Variants in NAALADL2 observed in about 807,000 individuals in gnomAD.
NAALADL2 encodes the protein N-acetylated alpha-linked acidic dipeptidase like 2.
Under a neutral mutation model 87.2 loss-of-function variants are expected in NAALADL2, and 76 were observed. The observed-to-expected ratio is 0.87, with a 90% CI of 0.72 to 1.05. The LOEUF (loss-of-function observed/expected upper bound fraction) is 1.05, where lower values mean the gene tolerates loss of function less well. NAALADL2 is among the 50% of genes least tolerant of loss of function. NAALADL2 has a pLI of 0.00. For missense variants in NAALADL2, 1,089 were observed against 945.8 expected (o/e 1.15, Z -1.99); for synonymous variants, 354 against 331.0 (o/e 1.07, Z -0.75).
rs368185725 is a variant in NAALADL2, at chr3:175,470,533, A to G, written c.1534-1106A>G. ...AAAATAAAATAGGATGACATTATCT[A>G]TTTGGCAGGTGTATGAGTCCTTGTA... On this transcript the variant is annotated intron_variant, in intron 8 of 13. Transcript: ENST00000454872. Among the ~76,000 whole-genome samples the G allele has an allele frequency of 3.3e-5, 5 of 152,178 alleles. No homozygotes were observed. In the East Asian group the frequency reaches 5.8e-4, roughly 18 times the overall value.
At chr3:175,261,179 C>T (rs925067126) in intron 4 of NAALADL2, among the ~76,000 whole-genome samples, 16 of 152,040 alleles carry the variant, frequency 1.1e-4, no homozygotes, top group African/African-American at 2.4e-4. Context: ...AACATTAATT[C>T]GTCACAATGT....
chr3:175,651,919 T>C (rs1472318707), intron 11 of NAALADL2, among the ~76,000 whole-genome samples: 1 of 152,210 alleles, frequency 6.6e-6, no homozygotes, highest in Non-Finnish European at 1.5e-5. Flanking sequence ...AAAAGCTTGC[T>C]CTTGAGAAGC....
chr3:175,799,612 C>A (rs1406329160), intron 13 of NAALADL2, among the ~76,000 whole-genome samples: 1 of 152,046 alleles, frequency 6.6e-6, no homozygotes, highest in Non-Finnish European at 1.5e-5. Context: ...AGTTTCATCT[C>A]CATTTTGAAC....
chr3:175,466,194 C>A (rs1334440106), intron 7 of NAALADL2, among the ~76,000 whole-genome samples: 1 of 152,072 alleles, frequency 6.6e-6, no homozygotes, highest in Non-Finnish European at 1.5e-5. Flanking sequence ...AAAATTTTTG[C>A]ACAGATGTAT....
intron 3 of NAALADL2, among the ~76,000 whole-genome samples, chr3:174,765,278 C>G (rs1271533895): frequency 6.6e-6 from 1 of 151,950 alleles, no homozygotes; most frequent in Non-Finnish European, 1.5e-5. Flanking sequence ...TAAATAGTTG[C>G]AATGAGGAAT....
At chr3:175,412,840 G>T (rs1713783890) in intron 5 of NAALADL2, among the ~76,000 whole-genome samples, 1 of 148,394 alleles carries the variant, frequency 6.7e-6, no homozygotes, top group Non-Finnish European at 1.5e-5. Context: ...GGACATTTTG[G>T]GTCAGACTAA....
At chr3:174,958,197 C>G (rs188638399) in intron 1 of NAALADL2, among the ~76,000 whole-genome samples, 1 of 150,180 alleles carries the variant, frequency 6.7e-6, no homozygotes, top group East Asian at 1.9e-4. Flanking sequence ...CTATCTTTGC[C>G]TAATCAATTT....
chr3:174,668,468 C>G (rs532533477), intron 2 of NAALADL2, among the ~76,000 whole-genome samples: 1 of 152,022 alleles, frequency 6.6e-6, no homozygotes, highest in Non-Finnish European at 1.5e-5. Context: ...ATGTGCACAA[C>G]GTGCAGGTTA....
intron 1 of NAALADL2, among the ~76,000 whole-genome samples, chr3:175,063,253 T>A (rs1713884995): frequency 6.6e-6 from 1 of 152,142 alleles, no homozygotes; most frequent in Non-Finnish European, 1.5e-5. Context: ...ATGAAAACAT[T>A]TTTATCGCTT....
intron 4 of NAALADL2, among the ~76,000 whole-genome samples, chr3:175,270,173 T>C (rs1378052193): frequency 6.6e-6 from 1 of 152,178 alleles, no homozygotes; most frequent in African/African-American, 2.4e-5. Context: ...GTGGTTACAA[T>C]ACATGCTTTC....
chr3:175,330,750 G>A (rs2110492828), intron 5 of NAALADL2, among the ~76,000 whole-genome samples: 1 of 152,010 alleles, frequency 6.6e-6, no homozygotes, highest in Admixed American at 6.5e-5. Flanking sequence ...CAATGAACTA[G>A]AAAAGCAAGA....
chr3:174,761,375 A>G (rs1712923753), intron 3 of NAALADL2, among the ~76,000 whole-genome samples: 2 of 152,162 alleles, frequency 1.3e-5, no homozygotes, highest in Admixed American at 1.3e-4. Context: ...TTTTAAAATA[A>G]AGTCTTAAGT....
At chr3:175,454,813 T>G (rs1198551780) in intron 6 of NAALADL2, among the ~76,000 whole-genome samples, 1 of 152,052 alleles carries the variant, frequency 6.6e-6, no homozygotes, top group African/African-American at 2.4e-5. Flanking sequence ...TTCCTTTCCA[T>G]CCATTTATTT....
At chr3:175,219,592 A>G (rs371483276) in intron 2 of NAALADL2, among the ~76,000 whole-genome samples, 8 of 152,260 alleles carry the variant, frequency 5.3e-5, no homozygotes, top group African/African-American at 1.7e-4. Flanking sequence ...TCTAACCAAG[A>G]TAGTAAAGAT....
At chr3:175,578,917 A>G (rs73169495) in intron 10 of NAALADL2, among the ~76,000 whole-genome samples, 19,297 of 152,214 alleles carry the variant, frequency 0.13, 1,378 homozygotes, top group Middle Eastern at 0.17. Context: ...TTTCTTCAAC[A>G]CCTGTTTCTG....
Position 175,465,473 on chromosome 3 carries a change from C to CTTTTTT in NAALADL2, c.1328-1492_1328-1487dup, listed in dbSNP as rs71164634. 6.9e-4 allele frequency among the ~76,000 whole-genome samples: 74 copies of CTTTTTT among 106,732 alleles called. 1 individual carries two copies. Among genetic ancestry groups the CTTTTTT allele is most frequent in the African/African-American group, 2.7e-3 (71 of 26,446 alleles). The allele number at this position is 106,732 out of a possible 152,430, so 70.0% of individuals were successfully genotyped here. Reference sequence around the variant, plus strand: ...ACACTATGTATACCATGAATTAAATCTTTTTTTTTTTTTTTTTTTGAGATG... The same window carrying CTTTTTT: ...ACACTATGTATACCATGAATTAAATCTTTTTTTTTTTTTTTTTTTTTTTTTGAGATG... On this transcript the variant is annotated intron_variant, in intron 7 of 13. Transcript: ENST00000454872.
Position 175,184,020 on chromosome 3 carries a change from G to T in NAALADL2, c.546-49911G>T, listed in dbSNP as rs34443802. On this transcript the variant is annotated intron_variant, in intron 2 of 13. Coordinates refer to ENST00000454872, the MANE Select transcript of NAALADL2 (RefSeq NM_207015.3). ...CTTCAGCTTTCTGCCTTCACACTAC[G>T]TTGCCATCATAAGTATTATTGTTCA... is the stretch of plus-strand genomic sequence containing the variant. 8.5e-3 allele frequency among the ~76,000 whole-genome samples: 1,284 copies of T among 151,946 alleles called. 3 individuals carry two copies. The highest frequency in any genetic ancestry group is 0.024 in the South Asian group (113 of 4,802).
intron 2 of NAALADL2, among the ~76,000 whole-genome samples, chr3:175,198,655 T>G (rs1739361696): frequency 1.3e-5 from 2 of 152,088 alleles, no homozygotes; most frequent in African/African-American, 4.8e-5. Flanking sequence ...AAACATACTG[T>G]GGGGGAATAA....
At chr3:174,822,301 T>A (rs1433161012) in intron 3 of NAALADL2, among the ~76,000 whole-genome samples, 1 of 152,178 alleles carries the variant, frequency 6.6e-6, no homozygotes, top group Non-Finnish European at 1.5e-5. Flanking sequence ...GCACAGGAGC[T>A]GGTCCATTCT....
Sources: allele counts gnomAD v4.1 joint callset (sites outside exome capture counted in the v4.1 genomes callset), GRCh38; gene constraint gnomAD v4.1.1; transcripts MANE v1.5; gene names NCBI Gene and HGNC (gene_info 2026-07-23, HGNC 2026-07-21).